The following EPHA3 variants were observed in gnomAD, a reference collection of about 807,000 sequenced individuals.
EPHA3 encodes the protein EPH receptor A3.
A neutral mutation model predicts 107.1 loss-of-function variants in EPHA3; 42 were observed. That is an observed-to-expected ratio of 0.39 (90% CI 0.31 to 0.51). The LOEUF (loss-of-function observed/expected upper bound fraction) is 0.51. Among genes scored for constraint, EPHA3 ranks in the 20% least tolerant of loss-of-function variants. The pLI, the probability that EPHA3 is intolerant of heterozygous loss-of-function variation, is 0.78. For synonymous variants in EPHA3, 461 were observed against 424.8 expected, an observed-to-expected ratio of 1.09 and a Z score of -1.05; for missense variants, 1,183 against 1,211.2, an observed-to-expected ratio of 0.98 and a Z score of 0.35.
At chr3:89,392,436 C>T (rs928797059) in intron 5 of EPHA3, among the ~76,000 whole-genome samples, 14 of 146,668 alleles carry the variant, frequency 9.5e-5, no homozygotes, top group African/African-American at 2.8e-4. Flanking sequence ...GAAACTCCAT[C>T]GAAAAAAAAA....
intron 12 of EPHA3, among the ~76,000 whole-genome samples, chr3:89,430,395 A>G (rs1709543417): frequency 6.6e-6 from 1 of 152,190 alleles, no homozygotes; most frequent in African/African-American, 2.4e-5. Context: ...AAATTTTAAT[A>G]GCAATTATTT....
intron 5 of EPHA3, among the ~76,000 whole-genome samples, chr3:89,351,424 C>T (rs1269484153): frequency 6.6e-6 from 1 of 150,704 alleles, no homozygotes; most frequent in East Asian, 1.9e-4. Context: ...AAAGGGAACT[C>T]CCTGACCCCT....
chr3:89,263,622 C>T (rs1303772015), intron 3 of EPHA3, among the ~76,000 whole-genome samples: 2 of 152,160 alleles, frequency 1.3e-5, no homozygotes, highest in African/African-American at 4.8e-5. Context: ...AGCTGTCTCT[C>T]TGAAGTCAAT....
intron 5 of EPHA3, among the ~76,000 whole-genome samples, chr3:89,380,154 T>A (rs1202294910): frequency 2.6e-5 from 4 of 152,270 alleles, no homozygotes; most frequent in South Asian, 2.1e-4. Context: ...ATTAAAAAAA[T>A]TTTGAAGAGA....
At chr3:89,110,873 C>T (rs1205980525) in intron 1 of EPHA3, among the ~76,000 whole-genome samples, 3 of 151,966 alleles carry the variant, frequency 2.0e-5, no homozygotes, top group African/African-American at 7.2e-5. Flanking sequence ...AAAATACTTT[C>T]TTTAAACACT....
chr3:89,305,179 G>GT (rs1324196520), intron 3 of EPHA3, among the ~76,000 whole-genome samples: 1 of 151,768 alleles, frequency 6.6e-6, no homozygotes, highest in Non-Finnish European at 1.5e-5. Flanking sequence ...TTTTCTTTTT[G>GT]TTTTTTAACC....
At chr3:89,306,186 A>G (rs1459617098) in intron 3 of EPHA3, among the ~76,000 whole-genome samples, 1 of 152,152 alleles carries the variant, frequency 6.6e-6, no homozygotes, top group Admixed American at 6.6e-5. Flanking sequence ...ATTTCAGTCC[A>G]TTACACAAAA....
chr3:89,417,740 A>G (rs1031079267), intron 10 of EPHA3, among the ~76,000 whole-genome samples: 1 of 151,422 alleles, frequency 6.6e-6, no homozygotes, highest in Non-Finnish European at 1.5e-5. Flanking sequence ...ACTTCCTCAA[A>G]GGGAATAAAC....
Position 89,481,226 on chromosome 3 carries a change from T to C in EPHA3, c.*1724T>C, listed in dbSNP as rs1053847836. The stretch of plus-strand genomic sequence containing the variant: ...ATCAAAACTCACAAGTGCTCATCTG[T>C]TGTAGATTTAGTGTAATAAGACTTA... On this transcript the variant is annotated 3_prime_UTR_variant, in exon 17 of 17. Coordinates refer to ENST00000336596, the MANE Select transcript of EPHA3 (RefSeq NM_005233.6). 8.6e-6 allele frequency: 2 copies of C among 232,178 alleles called. No homozygotes were observed. The highest frequency in any genetic ancestry group is 5.6e-5 in the Admixed American group (1 of 17,752). 14.4% of individuals were successfully genotyped at this position (232,178 alleles called of 1,614,324 possible).
chr3:89,473,406 C>G (rs1248133420), intron 16 of EPHA3, among the ~76,000 whole-genome samples: 1 of 152,050 alleles, frequency 6.6e-6, no homozygotes, highest in Non-Finnish European at 1.5e-5. Flanking sequence ...TCAAGTGAAT[C>G]CAGTGAATAG....
intron 13 of EPHA3, among the ~76,000 whole-genome samples, chr3:89,435,724 A>C (rs1709656459): frequency 6.7e-6 from 1 of 149,776 alleles, no homozygotes; most frequent in African/African-American, 2.4e-5. Flanking sequence ...AGGCTAAAGC[A>C]GGCAGATCAC....
At chr3:89,474,300 C>T (rs754254979) in intron 16 of EPHA3, among the ~76,000 whole-genome samples, 1 of 152,132 alleles carries the variant, frequency 6.6e-6, no homozygotes, top group Non-Finnish European at 1.5e-5. Flanking sequence ...TAACATGCAC[C>T]AGCATTCTTG....
chr3:89,266,989 A>C (rs1181345806), intron 3 of EPHA3, among the ~76,000 whole-genome samples: 2 of 152,132 alleles, frequency 1.3e-5, no homozygotes, highest in African/African-American at 4.8e-5. Context: ...TATTTCATTA[A>C]AAAAATGAAA....
chr3:89,360,923 A>T (rs1708078559), intron 5 of EPHA3, among the ~76,000 whole-genome samples: 2 of 150,990 alleles, frequency 1.3e-5, no homozygotes, highest in South Asian at 4.2e-4. Context: ...ACAAAATTTA[A>T]CACTCACTTC....
chr3:89,459,945 A>C (rs2107564938), intron 15 of EPHA3, among the ~76,000 whole-genome samples: 1 of 152,342 alleles, frequency 6.6e-6, no homozygotes, highest in South Asian at 2.1e-4. Context: ...CATATAAGAG[A>C]AATACACATT....
chr3:89,195,885 C>T (rs889981504), intron 2 of EPHA3, among the ~76,000 whole-genome samples: 1 of 152,104 alleles, frequency 6.6e-6, no homozygotes, highest in African/African-American at 2.4e-5. Context: ...CATTATATTC[C>T]AAACCATCTA....
At chr3:89,118,489 C>T (rs1429199297) in intron 1 of EPHA3, among the ~76,000 whole-genome samples, 1 of 151,426 alleles carries the variant, frequency 6.6e-6, no homozygotes, top group Non-Finnish European at 1.5e-5. Flanking sequence ...TTTTTCTTTC[C>T]AAAGGTGATC....
intron 5 of EPHA3, among the ~76,000 whole-genome samples, chr3:89,379,334 G>A (rs1175385684): frequency 6.6e-6 from 1 of 152,074 alleles, no homozygotes; most frequent in East Asian, 1.9e-4. Flanking sequence ...ATTGCTTTTG[G>A]AAACTGTAAG....
At chr3:89,398,541 T>C (rs931892790) in intron 6 of EPHA3, among the ~76,000 whole-genome samples, 1 of 152,188 alleles carries the variant, frequency 6.6e-6, no homozygotes, top group Non-Finnish European at 1.5e-5. Flanking sequence ...AATGTAGAGC[T>C]ACATATAAAA....
Sources: gnomAD v4.1 joint callset for allele counts (sites outside exome capture counted in the v4.1 genomes callset) on GRCh38, gnomAD v4.1.1 for gene constraint, MANE v1.5 for transcripts, NCBI Gene and HGNC (gene_info 2026-07-23, HGNC 2026-07-21) for gene names.